The following MAST2 variants were observed in gnomAD, a reference collection of about 807,000 sequenced individuals.
MAST2 encodes microtubule associated serine/threonine kinase 2, also known as microtubule-associated serine/threonine-protein kinase 2.
In MAST2, 70 loss-of-function variants were observed where a neutral mutation model predicts 147.4. The observed-to-expected ratio is 0.47, with a 90% CI of 0.39 to 0.58. The LOEUF is 0.58. Among genes scored for constraint, MAST2 ranks in the 20% least tolerant of loss-of-function variants. The pLI is 0.00. For missense variants in MAST2, 2,080 were observed against 2,302.3 expected, an observed-to-expected ratio of 0.90 and a Z score of 1.98; for synonymous variants, 869 against 896.8, an observed-to-expected ratio of 0.97 and a Z score of 0.55.
At chr1:45,804,359 G>A (rs1054526147) in intron 1 of MAST2, among the ~76,000 whole-genome samples, 3 of 152,176 alleles carry the variant, frequency 2.0e-5, no homozygotes, top group African/African-American at 7.2e-5. Context: ...GAGTGTGTGA[G>A]CTGCAACGAG....
chr1:45,947,311 A>AC (rs1658191045), intron 4 of MAST2, among the ~76,000 whole-genome samples: 1 of 116,232 alleles, frequency 8.6e-6, no homozygotes, highest in Non-Finnish European at 2.1e-5. Flanking sequence ...AGCTTTAAAA[A>AC]AAAAAAAAAA....
Position 46,006,529 on chromosome 1 carries a change from G to A in MAST2, c.902+134G>A, listed in dbSNP as rs193200203. The stretch of plus-strand genomic sequence containing the variant: ...TAGGCTTTATAGGCCATATATCTCT[G>A]TCACATTCCTCAACTCTGCTGTTGT... On this transcript the variant is annotated intron_variant, in intron 8 of 28. Transcript: ENST00000361297. The A allele has an allele frequency of 1.7e-4, 112 of 665,006 alleles. 2 individuals are homozygous for A. The African/African-American group carries it at 1.9e-3, about 11-fold the overall frequency. The allele number at this position is 665,006 out of a possible 1,614,324, so 41.2% of individuals were successfully genotyped here.
At chr1:45,905,140 A>G (rs1173193507) in intron 4 of MAST2, among the ~76,000 whole-genome samples, 1 of 151,236 alleles carries the variant, frequency 6.6e-6, no homozygotes, top group Non-Finnish European at 1.5e-5. Context: ...AGTATCTGGT[A>G]CATGAAAACC....
At chr1:45,891,196 A>G (rs1647711943) in intron 4 of MAST2, among the ~76,000 whole-genome samples, 1 of 152,206 alleles carries the variant, frequency 6.6e-6, no homozygotes, top group South Asian at 2.1e-4. Flanking sequence ...TCTATAGACA[A>G]ACATTATTTT....
chr1:45,865,284 G>A (rs1646107917), intron 3 of MAST2: 1 of 332,232 alleles, frequency 3.0e-6, no homozygotes, highest in East Asian at 7.4e-5. Context: ...ATTCTTTGAT[G>A]TATAGTTATA....
In MAST2 at chr1:45,942,697, A is replaced by C. The variant is rs114288282; in HGVS notation, c.501-16689A>C. Among the ~76,000 whole-genome samples the C allele has an allele frequency of 9.3e-3, 1,409 of 152,278 alleles. 16 individuals are homozygous for C. The highest frequency in any genetic ancestry group is 0.029 in the African/African-American group (1,199 of 41,544). ...TGAAGGTGACTAGGAAATGTTTGGT[A>C]AATAAGGGTTTAGTAACACTTGTCA... On this transcript the variant is annotated intron_variant, in intron 4 of 28. Transcript: ENST00000361297.
At chr1:45,971,928 G>A (rs1643927648) in intron 5 of MAST2, among the ~76,000 whole-genome samples, 1 of 152,128 alleles carries the variant, frequency 6.6e-6, no homozygotes, top group South Asian at 2.1e-4. Flanking sequence ...ATATTTTAAT[G>A]TTGTTTGTTA....
chr1:45,862,454 T>C (rs1646011932), intron 3 of MAST2, among the ~76,000 whole-genome samples: 1 of 152,068 alleles, frequency 6.6e-6, no homozygotes, highest in African/African-American at 2.4e-5. Flanking sequence ...GGAGACGTTT[T>C]TTACTTAATT....
chr1:46,003,502 CTG>C (rs1645358029), intron 7 of MAST2, among the ~76,000 whole-genome samples: 1 of 151,788 alleles, frequency 6.6e-6, no homozygotes, highest in Admixed American at 6.6e-5. Flanking sequence ...AAGAGTGTCA[CTG>C]TCACCCAGGC....
At position 45,829,355 on chromosome 1, in the gene MAST2, C is replaced by T. The variant is rs550969138; in HGVS notation, c.326-84C>T. 300 of 1,180,584 alleles carry T rather than the reference C, an allele frequency of 2.5e-4. 3 individuals are homozygous for T. The South Asian group carries it at 4.7e-3, about 19-fold the overall frequency. 73.1% of individuals were successfully genotyped at this position (1,180,584 alleles called of 1,614,324 possible). On this transcript the variant is annotated intron_variant, in intron 2 of 28. Coordinates refer to ENST00000361297, the MANE Select transcript of MAST2 (RefSeq NM_015112.3). ...TACTTTGTATCAGTATGGTTTTATC[C>T]ACTTGATATCACTGTATTTGTATTT...
chr1:45,872,884 C>T (rs1023035855), intron 3 of MAST2, among the ~76,000 whole-genome samples: 1 of 152,164 alleles, frequency 6.6e-6, no homozygotes, highest in Admixed American at 6.5e-5. Flanking sequence ...GTATGTATAA[C>T]TTTCTTTGTA....
chr1:46,008,727 G>A (rs1485408750), intron 9 of MAST2, among the ~76,000 whole-genome samples: 1 of 152,212 alleles, frequency 6.6e-6, no homozygotes, highest in Non-Finnish European at 1.5e-5. Flanking sequence ...GAGGATCCAT[G>A]AGTCAGGGTT....
chr1:45,842,501 T>C (rs1035578752), intron 3 of MAST2, among the ~76,000 whole-genome samples: 6 of 152,202 alleles, frequency 3.9e-5, no homozygotes, highest in Non-Finnish European at 7.3e-5. Context: ...ATCTGCATTT[T>C]GTCTCTATGG....
At chr1:45,980,070 A>C (rs1377341123) in intron 5 of MAST2, among the ~76,000 whole-genome samples, 2 of 152,100 alleles carry the variant, frequency 1.3e-5, no homozygotes, top group South Asian at 4.1e-4. Flanking sequence ...GGATCACTTG[A>C]GGTCAGGAGT....
intron 3 of MAST2, among the ~76,000 whole-genome samples, chr1:45,851,818 A>T (rs1006830297): frequency 6.6e-6 from 1 of 152,152 alleles, no homozygotes; most frequent in African/African-American, 2.4e-5. Flanking sequence ...TGGCAAATAG[A>T]ATTAATGGAC....
chr1:45,955,973 G>A (rs1348803418), intron 4 of MAST2, among the ~76,000 whole-genome samples: 1 of 152,120 alleles, frequency 6.6e-6, no homozygotes, highest in Non-Finnish European at 1.5e-5. Context: ...ATAATGAACA[G>A]ATCTATAACT....
chr1:45,874,315 C>T (rs940470186), intron 3 of MAST2, among the ~76,000 whole-genome samples: 2 of 152,094 alleles, frequency 1.3e-5, no homozygotes, highest in Non-Finnish European at 2.9e-5. Flanking sequence ...CTTTGGGAGG[C>T]GGAGGCAAGT....
intron 3 of MAST2, among the ~76,000 whole-genome samples, chr1:45,839,027 A>G (rs1013944107): frequency 1.3e-5 from 2 of 151,290 alleles, no homozygotes; most frequent in Non-Finnish European, 2.9e-5. Context: ...AGGCTGGAGT[A>G]TAGGGGTGTG....
chr1:45,970,956 G>A (rs1477052808), intron 5 of MAST2, among the ~76,000 whole-genome samples: 4 of 152,030 alleles, frequency 2.6e-5, no homozygotes, highest in Non-Finnish European at 5.9e-5. Context: ...GTACCACAAT[G>A]TATTCATTTT....
Sources: gnomAD v4.1 joint callset for allele counts (sites outside exome capture counted in the v4.1 genomes callset) on GRCh38, gnomAD v4.1.1 for gene constraint, MANE v1.5 for transcripts, NCBI Gene and HGNC (gene_info 2026-07-23, HGNC 2026-07-21) for gene names.